Variants in NR1I2 observed in about 807,000 individuals in gnomAD.
NR1I2 encodes the protein orphan nuclear receptor PAR1.
A neutral mutation model predicts 43.3 loss-of-function variants in NR1I2; 42 were observed. The observed-to-expected ratio is 0.97, with a 90% CI of 0.76 to 1.26. The LOEUF (loss-of-function observed/expected upper bound fraction) is 1.26, where lower values mean the gene tolerates loss of function less well. NR1I2 is among the 50% of genes most tolerant of loss of function. The pLI, the probability that NR1I2 is intolerant of heterozygous loss-of-function variation, is 0.00. For synonymous variants in NR1I2, 229 were observed against 215.0 expected, an observed-to-expected ratio of 1.06 and a Z score of -0.57; for missense variants, 559 against 566.7, an observed-to-expected ratio of 0.99 and a Z score of 0.14.
intron 5 of NR1I2, among the ~76,000 whole-genome samples, 157 bp downstream of exon 5, chr3:119,813,117 A>T (rs993788238): frequency 3.3e-5 from 5 of 152,026 alleles, no homozygotes; most frequent in African/African-American, 7.2e-5. Flanking sequence ...GCTGCTGGGG[A>T]GTAGAGCCCT....
chr3:119,787,307 G>A (rs923554725), intron 1 of NR1I2, among the ~76,000 whole-genome samples: 18 of 150,342 alleles, frequency 1.2e-4, no homozygotes, highest in Admixed American at 6.6e-4. Context: ...AAAAAGTTCC[G>A]TCATTAATTG....
At chr3:119,798,805 TG>T (rs1171952054) in intron 1 of NR1I2, among the ~76,000 whole-genome samples, 2 of 152,204 alleles carry the variant, frequency 1.3e-5, no homozygotes, top group Admixed American at 1.3e-4. Flanking sequence ...ATGCGGTCTT[TG>T]GGTATACTTC....
At chr3:119,792,150 G>A (rs1041468326) in intron 1 of NR1I2, 24 of 868,104 alleles carry the variant, frequency 2.8e-5, no homozygotes, top group Middle Eastern at 2.2e-4. Context: ...CACCAGGATC[G>A]GAGAAGACTA....
chr3:119,797,777 A>G (rs2055021489), intron 1 of NR1I2, among the ~76,000 whole-genome samples: 1 of 152,184 alleles, frequency 6.6e-6, no homozygotes, highest in Admixed American at 6.5e-5. Context: ...TTTCTTTGGT[A>G]TTACTTGTAA....
Position 119,795,549 on chromosome 3 carries a change from G to A in NR1I2, c.-22-11680G>A, listed in dbSNP as rs139074005. 2.2e-3 allele frequency among the ~76,000 whole-genome samples: 328 copies of A among 152,184 alleles called. 3 individuals are homozygous for A. Among genetic ancestry groups the A allele is most frequent in the African/African-American group, 5.8e-3 (241 of 41,506 alleles). On this transcript the variant is annotated intron_variant, in intron 1 of 8. Transcript: ENST00000393716. ...CACCTGCAGTTTCTCTGGGCTCCCCGTTAATCTGCCTTCCTCATCTCCTAA... is the reference window on the plus strand; with the variant it reads ...CACCTGCAGTTTCTCTGGGCTCCCCATTAATCTGCCTTCCTCATCTCCTAA...
intron 1 of NR1I2, among the ~76,000 whole-genome samples, chr3:119,786,736 A>G (rs1470523814): frequency 6.6e-6 from 1 of 152,108 alleles, no homozygotes; most frequent in Non-Finnish European, 1.5e-5. Context: ...ATAAAGGCCA[A>G]TTTTCATTTA....
intron 5 of NR1I2, among the ~76,000 whole-genome samples, chr3:119,813,449 A>T (rs917743019): frequency 2.0e-5 from 3 of 152,190 alleles, no homozygotes; most frequent in Non-Finnish European, 4.4e-5. Context: ...GGCAACAACC[A>T]TCGGGCAACT....
At chr3:119,814,885 C>A in intron 5 of NR1I2, 94 bp from the exon 6 acceptor site, 1 of 1,515,902 alleles carries the variant, frequency 6.6e-7, no homozygotes, top group East Asian at 2.3e-5. Context: ...CTCTTCCTCT[C>A]GCCCCCAACT....
chr3:119,796,822 G>A (rs2055006780), intron 1 of NR1I2, among the ~76,000 whole-genome samples: 1 of 152,210 alleles, frequency 6.6e-6, no homozygotes, highest in Admixed American at 6.5e-5. Flanking sequence ...CCCTGCAGCA[G>A]TGCACTCTCC....
chr3:119,786,697 T>C (rs1214511910), intron 1 of NR1I2, among the ~76,000 whole-genome samples: 4 of 152,212 alleles, frequency 2.6e-5, no homozygotes, highest in African/African-American at 9.6e-5. Context: ...TTCTGACCTC[T>C]TGGATCTGAT....
At chr3:119,784,774 T>C (rs1363882874) in intron 1 of NR1I2, among the ~76,000 whole-genome samples, 8 of 152,218 alleles carry the variant, frequency 5.3e-5, no homozygotes, top group Non-Finnish European at 1.2e-4. Flanking sequence ...ATCACCTCTA[T>C]CATGTACTAA....
rs1429838565 is a variant in NR1I2 at position 119,811,585 on chromosome 3, G to A, written c.378G>A (p.Lys126=). 3 of 1,613,874 alleles carry A rather than the reference G, an allele frequency of 1.9e-6. No homozygotes were observed. In the South Asian group the frequency reaches 3.3e-5, roughly 18 times the overall value. Residue 126 remains lysine (K), a synonymous_variant, in exon 4 of 9, where the codon AAG becomes AAA. Coordinates refer to ENST00000393716, the MANE Select transcript of NR1I2 (RefSeq NM_003889.4). ...TGGAGGAGAGGCGGGCCTTGATCAA[G>A]CGGAAGAAAAGTGAACGGACAGGGA...
chr3:119,813,081 C>T (rs894618258), intron 5 of NR1I2, 121 bp downstream of exon 5: 3 of 1,135,002 alleles, frequency 2.6e-6, no homozygotes, highest in African/African-American at 1.5e-5. Flanking sequence ...CCTCCTTTTC[C>T]TGTGCCCTTT....
chr3:119,816,642 C>A (rs2055332861), intron 8 of NR1I2, among the ~76,000 whole-genome samples: 1 of 152,008 alleles, frequency 6.6e-6, no homozygotes, highest in South Asian at 2.1e-4. Flanking sequence ...GCAACATAGC[C>A]AGACCCCAAC....
intron 1 of NR1I2, among the ~76,000 whole-genome samples, chr3:119,804,695 C>A (rs1018501406): frequency 1.3e-5 from 2 of 152,000 alleles, no homozygotes; most frequent in Non-Finnish European, 2.9e-5. Context: ...ATCTGCCTGC[C>A]TCTGCCTCCC....
rs2055342393 is a variant in NR1I2 at position 119,817,181 on chromosome 3, T to C, written c.1274T>C (p.Met425Thr). 6.2e-7 allele frequency: 1 copy of C among 1,614,154 alleles called. No homozygotes were observed. The highest frequency in any genetic ancestry group is 8.5e-7 in the Non-Finnish European group (1 of 1,180,024). The change falls in exon 9 of 9, where the codon ATG becomes ACG. Residue 425 changes from methionine to threonine, a missense_variant. Transcript: ENST00000393716. ...ATACACCCCTTTGCTACGCCCCTCA[T>C]GCAGGAGTTGTTCGGCATCACAGGT...
intron 1 of NR1I2, among the ~76,000 whole-genome samples, chr3:119,790,179 G>A (rs1378411207): frequency 2.0e-5 from 3 of 152,066 alleles, no homozygotes; most frequent in African/African-American, 7.2e-5. Flanking sequence ...TTCTGTGACT[G>A]GCTTATTTCA....
chr3:119,807,507 A>G, intron 2 of NR1I2, 60 bp downstream of exon 2: 1 of 1,436,126 alleles, frequency 7.0e-7, no homozygotes. Context: ...GTAACGTCTC[A>G]GGGCCTCAGC....
chr3:119,802,429 A>G (rs545540629), intron 1 of NR1I2, among the ~76,000 whole-genome samples: 2 of 152,290 alleles, frequency 1.3e-5, no homozygotes, highest in South Asian at 4.1e-4. Flanking sequence ...TTCTCCTGTG[A>G]TTCATGTAGT....
Sources: gnomAD v4.1 joint callset for allele counts (sites outside exome capture counted in the v4.1 genomes callset) on GRCh38, gnomAD v4.1.1 for gene constraint, MANE v1.5 for transcripts, NCBI Gene and HGNC (gene_info 2026-07-23, HGNC 2026-07-21) for gene names.